The following FCHO2 variants were observed in gnomAD, a reference collection of about 807,000 sequenced individuals.
FCHO2 encodes the protein FCH and mu domain containing endocytic adaptor 2.
A neutral mutation model predicts 114.1 loss-of-function variants in FCHO2; 43 were observed. The ratio of observed to expected loss-of-function variants is 0.38; its 90% confidence interval spans 0.30 to 0.49. The LOEUF is 0.49. FCHO2 is among the 20% of genes least tolerant of loss of function. FCHO2 has a pLI of 0.97. For missense variants in FCHO2, 807 were observed against 950.4 expected (o/e 0.85, Z 1.98); for synonymous variants, 293 against 315.2 (o/e 0.93, Z 0.75).
chr5:72,992,905 C>T (rs1442005213), intron 5 of FCHO2, among the ~76,000 whole-genome samples: 1 of 150,854 alleles, frequency 6.6e-6, no homozygotes, highest in Middle Eastern at 3.2e-3. Context: ...ATGTTTTATT[C>T]TATGAATGTC....
At position 73,078,231 on chromosome 5, in the gene FCHO2, A is replaced by G. The variant is rs751840014; in HGVS notation, c.1899A>G (p.Gln633=). ...CAAAAGATTTTTGGATGAACATGCAAGCTGTTACAGTCTACCTCAAGAAGC... is the reference window on the plus strand; with the variant it reads ...CAAAAGATTTTTGGATGAACATGCAGGCTGTTACAGTCTACCTCAAGAAGC... ...SNTKDFWMNM[Q]AVTVYLKKLS... Residue 633 remains glutamine, a synonymous_variant, in exon 22 of 26, where the codon CAA becomes CAG. Transcript: ENST00000430046. The G allele has an allele frequency of 9.4e-6, 15 of 1,589,040 alleles. No homozygotes were observed. Among genetic ancestry groups the G allele is most frequent in the African/African-American group, 1.3e-5 (1 of 74,322 alleles).
intron 22 of FCHO2, among the ~76,000 whole-genome samples, chr5:73,081,489 G>C (rs967969102): frequency 1.3e-5 from 2 of 152,184 alleles, no homozygotes; most frequent in Non-Finnish European, 2.9e-5. Context: ...TTCATAAAAT[G>C]CTGATTTCTG....
chr5:72,974,858 T>C (rs2112622768), intron 2 of FCHO2, among the ~76,000 whole-genome samples: 1 of 152,346 alleles, frequency 6.6e-6, no homozygotes, highest in Admixed American at 6.5e-5. Context: ...TTCCTTTCCA[T>C]GTTTAGCGCT....
At chr5:73,058,836 C>T (rs1021469094) in intron 17 of FCHO2, among the ~76,000 whole-genome samples, 1 of 151,962 alleles carries the variant, frequency 6.6e-6, no homozygotes, top group Non-Finnish European at 1.5e-5. Context: ...TCAATGTAAC[C>T]AGTTCTTTCT....
At chr5:73,037,847 C>T (rs554955574) in intron 10 of FCHO2, 30 of 347,834 alleles carry the variant, frequency 8.6e-5, no homozygotes, top group African/African-American at 6.5e-4. Flanking sequence ...TTCTCCACCT[C>T]CCAGGTTCAA....
intron 24 of FCHO2, among the ~76,000 whole-genome samples, chr5:73,084,042 C>G (rs1743212682): frequency 6.6e-6 from 1 of 152,082 alleles, no homozygotes; most frequent in Non-Finnish European, 1.5e-5. Context: ...GCTTCTCTCA[C>G]TAAGTACATC....
chr5:73,043,233 A>G (rs767692699), intron 11 of FCHO2, among the ~76,000 whole-genome samples: 60 of 152,280 alleles, frequency 3.9e-4, no homozygotes, highest in Middle Eastern at 6.8e-3. Flanking sequence ...TTCCTGGCCA[A>G]CAAAGGTTTT....
chr5:73,073,478 G>C (rs1045387037), intron 19 of FCHO2, among the ~76,000 whole-genome samples: 1 of 151,930 alleles, frequency 6.6e-6, no homozygotes, highest in Non-Finnish European at 1.5e-5. Context: ...CTTCAAAAAG[G>C]CACCATTTTT....
chr5:73,005,132 C>A (rs1754648789), intron 5 of FCHO2, among the ~76,000 whole-genome samples: 1 of 152,136 alleles, frequency 6.6e-6, no homozygotes, highest in Non-Finnish European at 1.5e-5. Context: ...AACATATATA[C>A]TTAATATAGT....
chr5:73,085,879 C>A (rs540808537), intron 24 of FCHO2, among the ~76,000 whole-genome samples: 1 of 151,914 alleles, frequency 6.6e-6, no homozygotes, highest in East Asian at 1.9e-4. Flanking sequence ...AATCCCAGCA[C>A]TTTGGGAGGC....
intron 5 of FCHO2, among the ~76,000 whole-genome samples, chr5:72,998,370 C>G (rs1754243225): frequency 1.3e-5 from 2 of 151,984 alleles, no homozygotes; most frequent in East Asian, 3.9e-4. Flanking sequence ...GCCTGTAGTC[C>G]CAGCTACTCT....
intron 19 of FCHO2, among the ~76,000 whole-genome samples, chr5:73,073,255 T>A (rs1488623211): frequency 6.6e-6 from 1 of 152,084 alleles, no homozygotes; most frequent in African/African-American, 2.4e-5. Context: ...ATTTACTCTG[T>A]GTTCAGAGAG....
intron 18 of FCHO2, among the ~76,000 whole-genome samples, chr5:73,068,064 C>T (rs1742446660): frequency 6.6e-6 from 1 of 151,688 alleles, no homozygotes; most frequent in Admixed American, 6.6e-5. Flanking sequence ...TTTGTAAACA[C>T]CAAAAGTGTA....
chr5:73,000,330 GTA>G (rs1754366215), intron 5 of FCHO2, among the ~76,000 whole-genome samples: 1 of 152,074 alleles, frequency 6.6e-6, no homozygotes, highest in African/African-American at 2.4e-5. Flanking sequence ...AATTAGCCGA[GTA>G]TGGTGGTGTG....
intron 3 of FCHO2, 85 bp downstream of exon 3, chr5:72,989,586 C>A: frequency 1.1e-6 from 1 of 942,190 alleles, no homozygotes; most frequent in South Asian, 1.7e-5. Context: ...CATAACAGTT[C>A]AAAAGCATAG....
At chr5:73,076,896 GAAGA>G (rs1167181273) in intron 20 of FCHO2, among the ~76,000 whole-genome samples, 2 of 152,148 alleles carry the variant, frequency 1.3e-5, no homozygotes, top group Non-Finnish European at 2.9e-5. Flanking sequence ...TGTTTCAAAG[GAAGA>G]AAGAATAGAG....
intron 10 of FCHO2, chr5:73,037,773 TGAGATGG>T: frequency 5.2e-6 from 2 of 383,510 alleles, no homozygotes; most frequent in Admixed American, 3.2e-5. Context: ...TTTTTTTTTT[TGAGATGG>T]AGTTTCACTG....
chr5:73,054,461 T>C, intron 14 of FCHO2, 64 bp from the exon 15 acceptor site: 1 of 1,398,844 alleles, frequency 7.1e-7, no homozygotes, highest in Non-Finnish European at 9.8e-7. Flanking sequence ...TATTAACATT[T>C]TACCAAATAT....
At chr5:73,052,750 T>C (rs1757396441) in intron 13 of FCHO2, 1 of 326,718 alleles carries the variant, frequency 3.1e-6, no homozygotes, top group East Asian at 5.8e-5. Flanking sequence ...CAGTGCTGTG[T>C]GTCTCTGGCA....
Sources: allele counts gnomAD v4.1 joint callset (sites outside exome capture counted in the v4.1 genomes callset), GRCh38; gene constraint gnomAD v4.1.1; transcripts MANE v1.5; gene names NCBI Gene and HGNC (gene_info 2026-07-23, HGNC 2026-07-21).